DCC: variants seen among roughly 807,000 people sequenced by gnomAD.
DCC encodes netrin receptor DCC.
In DCC, 58 loss-of-function variants were observed where a neutral mutation model predicts 172.5. The observed-to-expected ratio is 0.34, with a 90% CI of 0.27 to 0.42. DCC has a LOEUF of 0.42. Among genes scored for constraint, DCC ranks in the 10% least tolerant of loss-of-function variants. The pLI is 1.00. For missense variants in DCC, 1,740 were observed against 1,791.0 expected, an observed-to-expected ratio of 0.97 and a Z score of 0.51; for synonymous variants, 709 against 644.5, an observed-to-expected ratio of 1.10 and a Z score of -1.52.
intron 2 of DCC, among the ~76,000 whole-genome samples, chr18:52,772,104 C>A (rs1478850389): frequency 6.6e-6 from 1 of 152,052 alleles, no homozygotes; most frequent in East Asian, 1.9e-4. Flanking sequence ...AGAGTTGAAT[C>A]ATTTTTGATT....
chr18:53,229,675 A>G (rs1010966384), intron 12 of DCC, among the ~76,000 whole-genome samples: 1 of 152,062 alleles, frequency 6.6e-6, no homozygotes, highest in Admixed American at 6.6e-5. Flanking sequence ...TGAACATTTA[A>G]TAGCTTACTT....
At chr18:52,603,470 G>A (rs1215809865) in intron 1 of DCC, among the ~76,000 whole-genome samples, 1 of 151,670 alleles carries the variant, frequency 6.6e-6, no homozygotes, top group African/African-American at 2.4e-5. Context: ...GGGAAAACTA[G>A]GTAGAAAGTA....
intron 15 of DCC, among the ~76,000 whole-genome samples, chr18:53,345,352 T>C (rs532208558): frequency 6.6e-6 from 1 of 152,256 alleles, no homozygotes; most frequent in African/African-American, 2.4e-5. Flanking sequence ...TAGCACATCA[T>C]ATAAAACATA....
chr18:52,583,881 T>C (rs1184110615), intron 1 of DCC, among the ~76,000 whole-genome samples: 2 of 152,244 alleles, frequency 1.3e-5, no homozygotes, highest in Non-Finnish European at 2.9e-5. Context: ...ATAACCTTAA[T>C]TGCTTTCTCT....
intron 2 of DCC, among the ~76,000 whole-genome samples, chr18:52,886,083 A>G (rs972995112): frequency 7.3e-5 from 11 of 151,606 alleles, no homozygotes; most frequent in African/African-American, 2.7e-4. Context: ...AGAAGGAAGG[A>G]GTCATTTTTG....
At chr18:53,331,572 C>A (rs1041290799) in intron 14 of DCC, among the ~76,000 whole-genome samples, 1 of 152,146 alleles carries the variant, frequency 6.6e-6, no homozygotes, top group Non-Finnish European at 1.5e-5. Context: ...TTTGCTCTAA[C>A]AGTCAGGATT....
chr18:52,839,626 T>G (rs1424482598), intron 2 of DCC, among the ~76,000 whole-genome samples: 1 of 152,186 alleles, frequency 6.6e-6, no homozygotes, highest in African/African-American at 2.4e-5. Flanking sequence ...AGGTAAAGCT[T>G]CTTCACTTGG....
At chr18:53,452,538 A>G (rs1206516387) in intron 23 of DCC, among the ~76,000 whole-genome samples, 1 of 152,164 alleles carries the variant, frequency 6.6e-6, no homozygotes, top group Non-Finnish European at 1.5e-5. Context: ...GAAAATCTCC[A>G]GTCATCTTAA....
At chr18:53,170,470 T>C (rs1283644065) in intron 8 of DCC, among the ~76,000 whole-genome samples, 1 of 152,238 alleles carries the variant, frequency 6.6e-6, no homozygotes, top group Admixed American at 6.5e-5. Context: ...CAGGGAAACC[T>C]ATCTATGTAG....
chr18:52,381,910 A>G (rs1256230578), intron 1 of DCC, among the ~76,000 whole-genome samples: 1 of 152,188 alleles, frequency 6.6e-6, no homozygotes, highest in Non-Finnish European at 1.5e-5. Flanking sequence ...ATTTGGAGTT[A>G]AAGTTCAGAA....
rs933959089 is a variant in DCC at position 53,391,946 on chromosome 18, G to C, written c.2688+59G>C. 6.2e-6 allele frequency: 6 copies of C among 972,114 alleles called. No homozygotes were observed. The African/African-American group carries it at 9.6e-5, about 16-fold the overall frequency. The allele number at this position is 972,114 out of a possible 1,614,324, so 60.2% of individuals were successfully genotyped here. A position where few individuals can be genotyped will look rare whatever the true frequency, so the allele number is the denominator to read the frequency against. ...TGAACTGACATTTGTTTAACACATTGTTTTAAACCTCTCCTGGACTGTCAT... is the reference window on the plus strand; with the variant it reads ...TGAACTGACATTTGTTTAACACATTCTTTTAAACCTCTCCTGGACTGTCAT... On this transcript the variant is annotated intron_variant, in intron 17 of 28. Transcript: ENST00000442544.
chr18:52,975,215 GC>G (rs2145593613), intron 5 of DCC, among the ~76,000 whole-genome samples: 1 of 152,276 alleles, frequency 6.6e-6, no homozygotes, highest in African/African-American at 2.4e-5. Context: ...CAAGGTGCTG[GC>G]AAGGTTGGTC....
intron 1 of DCC, among the ~76,000 whole-genome samples, chr18:52,449,806 A>C (rs1056559362): frequency 3.9e-5 from 6 of 152,166 alleles, no homozygotes; most frequent in Non-Finnish European, 8.8e-5. Context: ...TGATGGTTTT[A>C]TAAAGGGCAG....
intron 7 of DCC, among the ~76,000 whole-genome samples, chr18:53,148,780 G>A (rs894339322): frequency 3.3e-5 from 5 of 151,198 alleles, no homozygotes; most frequent in East Asian, 1.9e-4. Context: ...AAGTGACGAC[G>A]TACTTTCCTT....
chr18:52,925,790 A>AT (rs1268391657), intron 5 of DCC, among the ~76,000 whole-genome samples: 2 of 151,846 alleles, frequency 1.3e-5, no homozygotes, highest in African/African-American at 2.4e-5. Flanking sequence ...TGTTGGTAAG[A>AT]TTTTTTTATT....
At chr18:53,448,055 T>TTTGTTG (rs1912735522) in intron 22 of DCC, among the ~76,000 whole-genome samples, 2 of 149,562 alleles carry the variant, frequency 1.3e-5, no homozygotes, top group African/African-American at 2.5e-5. Context: ...GAGTTTTTTT[T>TTTGTTG]TTTTTTTTTT....
intron 7 of DCC, among the ~76,000 whole-genome samples, chr18:53,092,841 T>A (rs1249756625): frequency 2.0e-5 from 3 of 152,100 alleles, no homozygotes; most frequent in Non-Finnish European, 4.4e-5. Flanking sequence ...CGAAACAACT[T>A]GTTAAGGAAA....
At chr18:52,376,847 C>A (rs75690191) in intron 1 of DCC, among the ~76,000 whole-genome samples, 1 of 152,016 alleles carries the variant, frequency 6.6e-6, no homozygotes, top group Non-Finnish European at 1.5e-5. Context: ...CATTCAAAGA[C>A]GCAAATGTGT....
At chr18:52,773,069 C>T (rs1324192082) in intron 2 of DCC, among the ~76,000 whole-genome samples, 1 of 152,138 alleles carries the variant, frequency 6.6e-6, no homozygotes, top group African/African-American at 2.4e-5. Flanking sequence ...TATGAGAGAA[C>T]CCCACCACAT....
Sources: allele counts gnomAD v4.1 joint callset (sites outside exome capture counted in the v4.1 genomes callset), GRCh38; gene constraint gnomAD v4.1.1; transcripts MANE v1.5; gene names NCBI Gene and HGNC (gene_info 2026-07-23, HGNC 2026-07-21).